The following ATP2C2 variants were observed in gnomAD, a reference collection of about 807,000 sequenced individuals.
ATP2C2 encodes ATPase secretory pathway Ca2+ transporting 2, also known as calcium-transporting ATPase type 2C member 2.
A neutral mutation model predicts 110.8 loss-of-function variants in ATP2C2; 171 were observed. The ratio of observed to expected loss-of-function variants is 1.54; its 90% CI spans 1.36 to 1.75. ATP2C2 has a LOEUF of 1.75. Among genes scored for constraint, ATP2C2 ranks in the 40% most tolerant of loss-of-function variants. The pLI is 0.00. For synonymous variants in ATP2C2, 804 were observed against 508.4 expected (o/e 1.58, Z -7.82); for missense variants, 1,963 against 1,235.0 (o/e 1.59, Z -8.84).
chr16:84,408,585 T>C (rs1204396266), intron 4 of ATP2C2, 91 bp downstream of exon 4: 1 of 1,034,000 alleles, frequency 9.7e-7, no homozygotes, highest in Non-Finnish European at 1.4e-6. Flanking sequence ...AAAAAAAGAG[T>C]TTGCTGTAGG....
chr16:84,445,813 C>A (rs1440943874), intron 15 of ATP2C2, among the ~76,000 whole-genome samples: 2 of 152,212 alleles, frequency 1.3e-5, no homozygotes, highest in African/African-American at 4.8e-5. Context: ...CATTTTCACC[C>A]CCTGTGGGAC....
At chr16:84,439,940 C>G (rs1353612960) in intron 13 of ATP2C2, among the ~76,000 whole-genome samples, 2 of 152,172 alleles carry the variant, frequency 1.3e-5, no homozygotes, top group African/African-American at 2.4e-5. Context: ...GTTCAAGCGA[C>G]TCTCCTGCCT....
Position 84,460,768 on chromosome 16 carries a change from C to T in ATP2C2, c.2448C>T (p.Ile816=). The T allele has an allele frequency of 1.2e-6, 2 of 1,614,024 alleles. No homozygotes were observed. The highest frequency in any genetic ancestry group is 1.7e-6 in the Non-Finnish European group (2 of 1,179,904). ...ILKILMSAAI[I]ISGTLFIFWK... is the part of the protein sequence containing the mutation. ...AGATCCTCATGTCCGCGGCCATCAT[C>T]ATCAGCGGGACCCTCTTTATCTTCT... The change falls in exon 24 of 27, where the codon ATC becomes ATT. Residue 816 remains isoleucine (I), a synonymous_variant. Transcript: ENST00000262429.
At chr16:84,406,730 G>C in intron 3 of ATP2C2, 5 of 848,398 alleles carry the variant, frequency 5.9e-6, no homozygotes, top group Non-Finnish European at 7.1e-6. Flanking sequence ...CCCGGAAGTT[G>C]GGGTTCAGGG....
intron 6 of ATP2C2, among the ~76,000 whole-genome samples, chr16:84,414,950 G>T (rs1316108406): frequency 2.0e-5 from 3 of 152,178 alleles, no homozygotes; most frequent in Non-Finnish European, 4.4e-5. Context: ...TCGGAGGTCA[G>T]AGTCAGCTGG....
At position 84,397,670 on chromosome 16, in the gene ATP2C2, A is replaced by AAAAAAAAAAAAAAAAAC. The variant is rs1555553736; in HGVS notation, c.100-826_100-825insAAAAAAAAAAAAACAAA. ...GCCTGGGTGACAAAAAAAAAAAAAAAAAACTTGCTTAAAAATAGATGCATC... is the reference window on the plus strand; with the variant it reads ...GCCTGGGTGACAAAAAAAAAAAAAAAAAAAAAAAAAAAAAAACAAACTTGCTTAAAAATAGATGCATC... On this transcript the variant is annotated intron_variant, in intron 1 of 26. Transcript: ENST00000262429. 4.3e-3 allele frequency among the ~76,000 whole-genome samples: 629 copies of AAAAAAAAAAAAAAAAAC among 145,746 alleles called. 14 individuals carry two copies. Among genetic ancestry groups the AAAAAAAAAAAAAAAAAC allele is most frequent in the Non-Finnish European group, 7.6e-3 (497 of 65,066 alleles).
intron 1 of ATP2C2, among the ~76,000 whole-genome samples, chr16:84,391,914 TC>T (rs1597748474): frequency 6.6e-6 from 1 of 151,096 alleles, no homozygotes; most frequent in East Asian, 1.9e-4. Context: ...CCTTCCTTCC[TC>T]TTTTTTTTTT....
intron 9 of ATP2C2, 27 bp from the exon 10 acceptor site, chr16:84,423,161 A>G (rs376042309): frequency 7.6e-5 from 122 of 1,603,380 alleles, no homozygotes; most frequent in Middle Eastern, 5.0e-4. Flanking sequence ...ATCTTGTCCA[A>G]CTAACCCATT....
At chr16:84,380,763 G>T (rs1254311233) in intron 1 of ATP2C2, among the ~76,000 whole-genome samples, 2 of 152,206 alleles carry the variant, frequency 1.3e-5, no homozygotes, top group Non-Finnish European at 2.9e-5. Context: ...TAGTAACTAA[G>T]TGTACATACA....
chr16:84,390,513 A>G (rs1297266668), intron 1 of ATP2C2, among the ~76,000 whole-genome samples: 5 of 152,312 alleles, frequency 3.3e-5, no homozygotes, highest in African/African-American at 4.8e-5. Flanking sequence ...CAGCAGGCAA[A>G]TAACATCTTG....
chr16:84,378,588 T>C (rs919498679), intron 1 of ATP2C2, among the ~76,000 whole-genome samples: 15 of 152,244 alleles, frequency 9.9e-5, no homozygotes, highest in Admixed American at 8.5e-4. Flanking sequence ...TAAAACTCTC[T>C]GCACAATGCC....
At chr16:84,400,483 T>A (rs1423983181) in intron 2 of ATP2C2, among the ~76,000 whole-genome samples, 2 of 152,094 alleles carry the variant, frequency 1.3e-5, no homozygotes, top group Non-Finnish European at 2.9e-5. Flanking sequence ...CCTGCCACCA[T>A]GCCTGGCTAA....
Position 84,428,010 on chromosome 16 carries a change from G to C in ATP2C2, c.986+2209G>C, listed in dbSNP as rs114485272. Among the ~76,000 whole-genome samples, 1,248 of 152,310 alleles carry C rather than the reference G, an allele frequency of 8.2e-3. 28 individuals carry two copies. Among genetic ancestry groups the C allele is most frequent in the African/African-American group, 0.028 (1,176 of 41,566 alleles). The stretch of plus-strand genomic sequence containing the variant: ...GCAACTAAGAATGCTGTTATTGAGA[G>C]GGTCCTCGGAGCCTTTCTAATTTAT... On this transcript the variant is annotated intron_variant, in intron 11 of 26. Coordinates refer to ENST00000262429, the MANE Select transcript of ATP2C2 (RefSeq NM_014861.4).
chr16:84,408,835 G>A (rs1041730639), intron 4 of ATP2C2, among the ~76,000 whole-genome samples: 70 of 151,696 alleles, frequency 4.6e-4, no homozygotes, highest in Non-Finnish European at 1.9e-4. Context: ...ATCCATTACC[G>A]AGAGGTAACC....
intron 1 of ATP2C2, among the ~76,000 whole-genome samples, chr16:84,378,707 G>T: frequency 6.6e-6 from 1 of 152,150 alleles, no homozygotes; most frequent in South Asian, 2.1e-4. Context: ...TGGGGGCAGG[G>T]CCGACTACGT....
chr16:84,378,421 C>T (rs1441419683), intron 1 of ATP2C2, among the ~76,000 whole-genome samples: 1 of 152,136 alleles, frequency 6.6e-6, no homozygotes, highest in Admixed American at 6.5e-5. Flanking sequence ...TGGAGGGCAG[C>T]ATTGGATTCC....
intron 15 of ATP2C2, among the ~76,000 whole-genome samples, chr16:84,443,467 C>G (rs982365696): frequency 6.6e-6 from 1 of 152,204 alleles, no homozygotes; most frequent in Non-Finnish European, 1.5e-5. Flanking sequence ...AAAAGCCCGA[C>G]TCAGGGTGCT....
At chr16:84,391,013 G>C (rs6564028) in intron 1 of ATP2C2, among the ~76,000 whole-genome samples, 111,189 of 150,876 alleles carry the variant, frequency 0.74, 41,611 homozygotes, top group Middle Eastern at 0.8. Flanking sequence ...ACTCGAGTGG[G>C]TGAGGCAGGA....
rs755823428 is a variant in ATP2C2 at position 84,463,708 on chromosome 16, C to T, written c.2817C>T (p.Val939=). 15 of 1,613,696 alleles carry T rather than the reference C, an allele frequency of 9.3e-6. No individual in the cohort carries two copies. The highest frequency in any genetic ancestry group is 4.5e-5 in the East Asian group (2 of 44,902). The change falls in exon 27 of 27, where the codon GTC becomes GTT. Residue 939 remains valine, a synonymous_variant. Coordinates refer to ENST00000262429, the MANE Select transcript of ATP2C2 (RefSeq NM_014861.4). ...AATACTGTTGCAGCCCCAAGAGAGT[C>T]CAGATGCACCCTGAAGATGTGTAGT... ...CEKYCCSPKR[V]QMHPEDV is the part of the protein sequence containing the mutation.
Sources: gnomAD v4.1 joint callset for allele counts (sites outside exome capture counted in the v4.1 genomes callset) on GRCh38, gnomAD v4.1.1 for gene constraint, MANE v1.5 for transcripts, NCBI Gene and HGNC (gene_info 2026-07-23, HGNC 2026-07-21) for gene names.